SEMA3G: variants seen among roughly 807,000 people sequenced by gnomAD.
SEMA3G encodes semaphorin 3G, also known as semaphorin-3G.
A neutral mutation model predicts 86.2 loss-of-function variants in SEMA3G; 70 were observed. That is an observed-to-expected ratio of 0.81 (90% CI 0.67 to 0.99). The LOEUF (loss-of-function observed/expected upper bound fraction) is 0.99, where lower values mean the gene tolerates loss of function less well. SEMA3G is among the 50% of genes least tolerant of loss of function. The pLI is 0.00. For synonymous variants in SEMA3G, 416 were observed against 441.4 expected (o/e 0.94, Z 0.72); for missense variants, 1,002 against 1,072.4 (o/e 0.93, Z 0.92).
rs1578259245 is a variant in SEMA3G at position 52,442,325 on chromosome 3, T to A, written c.340-21A>T. On this transcript the variant is annotated intron_variant, in intron 3 of 15. Transcript: ENST00000231721. The surrounding 1 kb of genome is among the most constrained non-coding windows in gnomAD (Gnocchi z 6.1). ...TCTGTCTGCGGGGAGAAGGAGGGGG[T>A]GGTTGAGGGGTGAGAGGGGGTGCCC... 1.9e-6 allele frequency: 3 copies of A among 1,551,866 alleles called. No individual in the cohort carries two copies. The highest frequency in any genetic ancestry group is 2.6e-6 in the Non-Finnish European group (3 of 1,147,482).
chr3:52,435,713 CCCGGCT>C lies in SEMA3G; in HGVS notation c.2233_2238del (p.Ser745_Arg746del). On this transcript the variant is annotated inframe_deletion, in exon 16 of 16. Transcript: ENST00000231721. ...CAGCTCTTGCCCCTGGCCTGCTTGC[CCCGGCT>C]CCGGCTCCGGAAGCAGCCTGAGCAT... is the stretch of plus-strand genomic sequence containing the variant. The C allele has an allele frequency of 1.2e-6, 2 of 1,614,114 alleles. No homozygotes were observed. The highest frequency in any genetic ancestry group is 2.2e-5 in the South Asian group (2 of 91,080).
At position 52,442,767 on chromosome 3, in the gene SEMA3G, C is replaced by G. The variant is rs757151742; in HGVS notation, c.256G>C (p.Ala86Pro). The G allele has an allele frequency of 6.2e-7, 1 of 1,613,932 alleles. No homozygotes were observed. The highest frequency in any genetic ancestry group is 8.5e-7 in the Non-Finnish European group (1 of 1,179,930). ...CTCACCTCCCGGGGATCTGGCCATGCCTGGTCCAGCCGCAGAGAGTAGAGG... is the reference window on the plus strand; with the variant it reads ...CTCACCTCCCGGGGATCTGGCCATGGCTGGTCCAGCCGCAGAGAGTAGAGG... ...DALYSLRLDQ[A>P]WPDPREVLWP... The change falls in exon 2 of 16, where the codon GCA becomes CCA. Residue 86 changes from alanine to proline, a missense_variant. Transcript: ENST00000231721. This position sits in a 1 kb window ranked among gnomAD's most constrained non-coding sequence, Gnocchi z 6.1.
At chr3:52,436,184 G>T (rs1024225883) in intron 15 of SEMA3G, 111 bp from the exon 16 acceptor site, 11 of 1,452,874 alleles carry the variant, frequency 7.6e-6, no homozygotes, top group Middle Eastern at 2.4e-4. Context: ...GGCACTTCTT[G>T]CCCTATTCTC....
chr3:52,436,071 C>T lies in SEMA3G; in HGVS notation c.1881G>A (p.Val627=). The change falls in exon 16 of 16, where the codon GTG becomes GTA. Residue 627 remains valine, a splice_region_variant and synonymous_variant. Coordinates refer to ENST00000231721, the MANE Select transcript of SEMA3G (RefSeq NM_020163.3). The stretch of plus-strand genomic sequence containing the variant: ...TGTGCAAGACTCGCTCGTCCGTCTT[C>T]ACCTGCCATGCGGGCGGGAGGGCGT... ...QRPGDEGPDQ[V]KTDERVLHTE... 1 of 1,605,232 alleles carries T rather than the reference C, an allele frequency of 6.2e-7. No homozygotes were observed. The highest frequency in any genetic ancestry group is 8.5e-7 in the Non-Finnish European group (1 of 1,174,148).
chr3:52,440,286 G>A, intron 10 of SEMA3G, 91 bp downstream of exon 10: 1 of 1,388,922 alleles, frequency 7.2e-7, no homozygotes, highest in Middle Eastern at 2.6e-4. Context: ...GCTGCCGTGG[G>A]GGTGCATGGG....
rs998972472 is a variant in SEMA3G at position 52,433,110 on chromosome 3, C to A, written c.*2493G>T. ...CGGCTTTGTACAAAGCCCTCTAACT[C>A]CTTCCTTCCCCTGATACCCATCTTC... On this transcript the variant is annotated 3_prime_UTR_variant, in exon 16 of 16. Coordinates refer to ENST00000231721, the MANE Select transcript of SEMA3G (RefSeq NM_020163.3). 1 of 152,106 alleles carries A rather than the reference C, an allele frequency of 6.6e-6. No individual in the cohort carries two copies. Among genetic ancestry groups the A allele is most frequent in the Non-Finnish European group, 1.5e-5 (1 of 68,046 alleles). The allele number at this position is 152,106 out of a possible 1,614,324, so 9.4% of individuals were successfully genotyped here.
chr3:52,440,247 C>A, intron 10 of SEMA3G, 130 bp downstream of exon 10: 1 of 1,178,544 alleles, frequency 8.5e-7, no homozygotes, highest in East Asian at 2.6e-5. Flanking sequence ...CCACCCAGGC[C>A]CTCTGGAGCC....
intron 15 of SEMA3G, 87 bp from the exon 16 acceptor site, chr3:52,436,160 G>A: frequency 2.7e-6 from 4 of 1,478,352 alleles, no homozygotes; most frequent in East Asian, 2.5e-5. Flanking sequence ...GCCATCCTTG[G>A]GGCCCAGTGC....
Position 52,441,824 on chromosome 3 carries a change from A to G in SEMA3G, c.545T>C (p.Phe182Ser), listed in dbSNP as rs930231070. 2.5e-6 allele frequency: 4 copies of G among 1,607,268 alleles called. No homozygotes were observed. The Admixed American group carries it at 6.8e-5, about 27-fold the overall frequency. ...CTGGCCTGGGCATCACCCACCTATG[A>G]AGGTGCTGGCAAAGGGACGGCTGGG... is the stretch of plus-strand genomic sequence containing the variant. Reference protein sequence around the residue: ...HEPSRPFASTFIDGELYTGLT... With the variant: ...HEPSRPFASTSIDGELYTGLT... Residue 182 changes from phenylalanine to serine, a missense_variant, in exon 5 of 16, where the codon TTC (phenylalanine) becomes TCC (serine). Coordinates refer to ENST00000231721, the MANE Select transcript of SEMA3G (RefSeq NM_020163.3).
At chr3:52,437,454 C>T in intron 15 of SEMA3G, 73 bp downstream of exon 15, 1 of 1,455,274 alleles carries the variant, frequency 6.9e-7, no homozygotes, top group South Asian at 1.3e-5. Context: ...TTCTGGGGCT[C>T]AGGTCTTGGG....
rs1559613454 is a variant in SEMA3G at position 52,444,925 on chromosome 3, G to T, written c.103C>A (p.Leu35Ile). 2.2e-5 allele frequency: 29 copies of T among 1,304,208 alleles called. No homozygotes were observed. Among genetic ancestry groups the T allele is most frequent in the Non-Finnish European group, 2.6e-5 (27 of 1,021,278 alleles). 80.8% of individuals were successfully genotyped at this position (1,304,208 alleles called of 1,614,324 possible). Residue 35 changes from leucine (L) to isoleucine (I), a missense_variant, in exon 1 of 16, where the codon CTC (leucine) becomes ATC (isoleucine). By Grantham distance (5) the Leu-to-Ile change is conservative. Coordinates refer to ENST00000231721, the MANE Select transcript of SEMA3G (RefSeq NM_020163.3). ...SPGPSVPRLRLSYRDLLSANR... is the reference protein window; with the variant it reads ...SPGPSVPRLRISYRDLLSANR... The stretch of plus-strand genomic sequence containing the variant: ...CAGGGGCTGGTACCTCGGTAGGAGA[G>T]CCGCAGGCGGGGCACACTGGGGCCG...
chr3:52,443,661 C>G (rs1467108485), intron 1 of SEMA3G, among the ~76,000 whole-genome samples: 1 of 152,130 alleles, frequency 6.6e-6, no homozygotes, highest in Non-Finnish European at 1.5e-5. Context: ...TACCCAACAC[C>G]CATTCCACCC....
rs559524120 is a variant in SEMA3G, at chr3:52,441,568, C to T, written c.667+6G>A. On this transcript the variant is annotated splice_donor_region_variant and intron_variant, in intron 6 of 15. Coordinates refer to ENST00000231721, the MANE Select transcript of SEMA3G (RefSeq NM_020163.3). ...CACCCCTGCCAGTTCCAGGGGCAGG[C>T]CTCACCGTGCAAGAGACTCTGGTCA... The T allele has an allele frequency of 3.7e-6, 6 of 1,610,796 alleles. No individual in the cohort carries two copies. The highest frequency in any genetic ancestry group is 1.7e-5 in the Admixed American group (1 of 60,016).
At chr3:52,440,666 G>C (rs1421698863) in intron 9 of SEMA3G, 88 bp downstream of exon 9, 2 of 1,468,782 alleles carry the variant, frequency 1.4e-6, no homozygotes, top group Non-Finnish European at 1.9e-6. Context: ...CAAAGGCAAA[G>C]AGAGAGTCAG....
chr3:52,441,260 T>C lies in SEMA3G; in HGVS notation c.813+4A>G, dbSNP rs1336485576. The stretch of plus-strand genomic sequence containing the variant: ...GAACCTCACCACCCCTTCCCAGCTC[T>C]TACCACGCAGACGCGGCCCACGCGG... On this transcript the variant is annotated splice_donor_region_variant and intron_variant, in intron 7 of 15. Transcript: ENST00000231721. The C allele has an allele frequency of 1.9e-6, 3 of 1,612,568 alleles. No homozygotes were observed. In the South Asian group the frequency reaches 3.3e-5, roughly 18 times the overall value.
In SEMA3G at chr3:52,440,967, G is replaced by A. The variant is rs778563193; in HGVS notation, c.895C>T (p.Pro299Ser). 2 of 1,607,298 alleles carry A rather than the reference G, an allele frequency of 1.2e-6. No homozygotes were observed. The highest frequency in any genetic ancestry group is 1.3e-5 in the African/African-American group (1 of 75,044). ...TCAAAGTGGGTCTCGGCACCACCAG[G>A]GCCGGGCACCGAGCAGACCAGCCTG... The part of the protein sequence containing the change: ...KARLVCSVPG[P>S]GGAETHFDQL... Residue 299 changes from proline (P) to serine (S), a missense_variant, in exon 8 of 16, where the codon CCT becomes TCT. Physicochemically the swap from Pro to Ser is moderately conservative, Grantham distance 74 (BLOSUM62 -1). Coordinates refer to ENST00000231721, the MANE Select transcript of SEMA3G (RefSeq NM_020163.3).
chr3:52,438,793 C>T, intron 13 of SEMA3G, 127 bp downstream of exon 13: 1 of 1,510,610 alleles, frequency 6.6e-7, no homozygotes, highest in Non-Finnish European at 8.9e-7. Flanking sequence ...GCGAATCAGG[C>T]CTGCCTCAGC....
intron 7 of SEMA3G, 23 bp from the exon 8 acceptor site, chr3:52,441,071 C>A: frequency 6.4e-7 from 1 of 1,559,658 alleles, no homozygotes; most frequent in South Asian, 1.2e-5. Context: ...GGGCCAGAGT[C>A]ACGCTTGGGC....
chr3:52,439,176 C>A (rs1706101188), intron 12 of SEMA3G, among the ~76,000 whole-genome samples: 1 of 152,268 alleles, frequency 6.6e-6, no homozygotes. Context: ...GGAGGCTTGA[C>A]TGAAAGCACA....
Sources: gnomAD v4.1 joint callset for allele counts (sites outside exome capture counted in the v4.1 genomes callset) on GRCh38, gnomAD v4.1.1 for gene constraint, Gnocchi (gnomAD v3.1) non-coding constraint, MANE v1.5 for transcripts, NCBI Gene and HGNC (gene_info 2026-07-23, HGNC 2026-07-21) for gene names.